Variants in GPR155 observed in about 807,000 individuals in gnomAD.
The protein encoded by GPR155 is lysosomal cholesterol signaling protein.
In GPR155, 65 loss-of-function variants were observed where a neutral mutation model predicts 93.1. That is an observed-to-expected ratio of 0.70 (90% confidence interval 0.57 to 0.86). The LOEUF is 0.86. GPR155 is among the 40% of genes least tolerant of loss of function. The pLI is 0.00. For synonymous variants in GPR155, 319 were observed against 360.1 expected (o/e 0.89, Z 1.29); for missense variants, 838 against 1,034.8 (o/e 0.81, Z 2.61).
intron 14 of GPR155, 108 bp downstream of exon 14, chr2:174,442,011 G>T (rs895474379): frequency 2.8e-6 from 2 of 707,582 alleles, no homozygotes; most frequent in Admixed American, 4.7e-5. Context: ...GCCTCCCAAA[G>T]TACTGGGATT....
rs779866292 is a variant in GPR155, at chr2:174,460,085, T to C, written c.1564A>G (p.Ile522Val). The change falls in exon 10 of 16, where the codon ATC becomes GTC. Residue 522 changes from isoleucine (I) to valine (V), a missense_variant. By Grantham distance (29) the Ile-to-Val change is conservative (BLOSUM62 3). Around this residue, in one of 3 missense-constraint regions of GPR155, gnomAD observed 663 missense variants for 790.1 expected, o/e 0.84. Coordinates refer to ENST00000392552, the MANE Select transcript of GPR155 (RefSeq NM_152529.7). ...CAGAACAGGGTGACTGCTGTGGTGATCATCTGCCGACATGAAAAAAAGATA... is the reference window on the plus strand; with the variant it reads ...CAGAACAGGGTGACTGCTGTGGTGACCATCTGCCGACATGAAAAAAAGATA... ...SAFFYGKEQM[I>V]TTAVTLFCSI... 5.6e-6 allele frequency: 9 copies of C among 1,609,086 alleles called. No homozygotes were observed. In the African/African-American group the frequency reaches 1.2e-4, roughly 22 times the overall value.
At chr2:174,473,842 C>T (rs751951457) in intron 2 of GPR155, among the ~76,000 whole-genome samples, 1 of 152,082 alleles carries the variant, frequency 6.6e-6, no homozygotes, top group South Asian at 2.1e-4. Flanking sequence ...AAAAGGAGCA[C>T]GGATGTGGAA....
intron 10 of GPR155, among the ~76,000 whole-genome samples, chr2:174,454,805 AAGGG>A: frequency 2.1e-5 from 3 of 143,206 alleles, no homozygotes; most frequent in African/African-American, 8.4e-5. Context: ...GAAGGAAGGG[AAGGG>A]AAGGAAGGGA....
chr2:174,473,482 C>A, intron 2 of GPR155, 118 bp from the exon 3 acceptor site: 1 of 649,668 alleles, frequency 1.5e-6, no homozygotes, highest in Non-Finnish European at 2.5e-6. Flanking sequence ...CAAAATGACC[C>A]AAATAGCCTA....
intron 4 of GPR155, among the ~76,000 whole-genome samples, chr2:174,469,506 T>G (rs1687933507): frequency 6.6e-6 from 1 of 152,240 alleles, no homozygotes; most frequent in Non-Finnish European, 1.5e-5. Flanking sequence ...TTAGTTCCTT[T>G]GTATTATATT....
chr2:174,465,445 C>T (rs1687810955), intron 7 of GPR155, among the ~76,000 whole-genome samples: 1 of 152,200 alleles, frequency 6.6e-6, no homozygotes, highest in East Asian at 1.9e-4. Context: ...AGCTCTGGAA[C>T]ACACCTCACG....
At chr2:174,467,945 A>G (rs904417335) in intron 5 of GPR155, among the ~76,000 whole-genome samples, 1 of 152,188 alleles carries the variant, frequency 6.6e-6, no homozygotes, top group Non-Finnish European at 1.5e-5. Flanking sequence ...CATGTTGGCC[A>G]GGCTGGTCTC....
intron 7 of GPR155, among the ~76,000 whole-genome samples, chr2:174,462,397 GC>G (rs1687725429): frequency 6.6e-6 from 1 of 152,000 alleles, no homozygotes; most frequent in Non-Finnish European, 1.5e-5. Flanking sequence ...TGCAACCTCT[GC>G]CTCCCGGGTT....
Position 174,434,572 on chromosome 2 carries a change from A to ACTT in GPR155, c.*1541_*1543dup, listed in dbSNP as rs889805784. 9 of 151,758 alleles carry ACTT rather than the reference A, an allele frequency of 5.9e-5. No homozygotes were observed. The highest frequency in any genetic ancestry group is 1.3e-4 in the Non-Finnish European group (9 of 67,976). 9.4% of individuals were successfully genotyped at this position (151,758 alleles called of 1,614,324 possible). A position where few individuals can be genotyped will look rare whatever the true frequency, so the allele number is the denominator to read the frequency against. Reference sequence around the variant, plus strand: ...AATTTGGGTAGAAAAGAAAAGACAAACTTTAAAAAAAAATAGTGCCTCTAG... The same window carrying ACTT: ...AATTTGGGTAGAAAAGAAAAGACAAACTTCTTTAAAAAAAAATAGTGCCTCTAG... On this transcript the variant is annotated 3_prime_UTR_variant, in exon 16 of 16. Coordinates refer to ENST00000392552, the MANE Select transcript of GPR155 (RefSeq NM_152529.7).
At chr2:174,477,662 T>C (rs1688206164) in intron 2 of GPR155, among the ~76,000 whole-genome samples, 1 of 152,186 alleles carries the variant, frequency 6.6e-6, no homozygotes, top group African/African-American at 2.4e-5. Context: ...TTTTTTGCTA[T>C]CAATCTGAAG....
At chr2:174,446,801 T>C in intron 11 of GPR155, 54 bp from the exon 12 acceptor site, 1 of 1,541,652 alleles carries the variant, frequency 6.5e-7, no homozygotes, top group Non-Finnish European at 8.9e-7. Context: ...TCTAAATGCA[T>C]TTTAAATTTG....
At chr2:174,456,217 C>T (rs1254691522) in intron 10 of GPR155, among the ~76,000 whole-genome samples, 1 of 151,902 alleles carries the variant, frequency 6.6e-6, no homozygotes, top group Admixed American at 6.6e-5. Context: ...GTTAGAGATG[C>T]AACATTAGGA....
At chr2:174,465,471 C>T (rs1250820690) in intron 7 of GPR155, among the ~76,000 whole-genome samples, 5 of 152,318 alleles carry the variant, frequency 3.3e-5, no homozygotes, top group African/African-American at 9.6e-5. Flanking sequence ...TTCCCATTCC[C>T]GCCTTTCTCC....
Position 174,459,914 on chromosome 2 carries a change from C to G in GPR155, c.1735G>C (p.Glu579Gln), listed in dbSNP as rs778954830. 6.2e-7 allele frequency: 1 copy of G among 1,613,810 alleles called. No homozygotes were observed. Among genetic ancestry groups the G allele is most frequent in the Non-Finnish European group, 8.5e-7 (1 of 1,179,790 alleles). ...ATAGAGCTTGTAAAAAGTTCTGGTT[C>G]ATTTACTGGTGCTGGACTCTCCTCA... Reference protein sequence around the residue: ...AFEESPAPVNEPELFTSSIPE... With the variant: ...AFEESPAPVNQPELFTSSIPE... The change falls in exon 10 of 16, where the codon GAA (glutamate) becomes CAA (glutamine). Residue 579 changes from glutamate to glutamine, a missense_variant. Transcript: ENST00000392552.
At chr2:174,470,692 G>GCAAA in intron 3 of GPR155, 137 bp from the exon 4 acceptor site, 1 of 599,762 alleles carries the variant, frequency 1.7e-6, no homozygotes, top group Admixed American at 3.2e-5. Flanking sequence ...TTCTGTGCAT[G>GCAAA]TCTACCTGGG....
chr2:174,477,052 T>C (rs1223404551), intron 2 of GPR155, among the ~76,000 whole-genome samples: 1 of 152,212 alleles, frequency 6.6e-6, no homozygotes, highest in Non-Finnish European at 1.5e-5. Flanking sequence ...AACACATCAA[T>C]GAACATCAAA....
At position 174,446,591 on chromosome 2, in the gene GPR155, A is replaced by G; in HGVS notation, c.2013+20T>C. ...AATTTAAAGAAATGGCCCCAAAACA[A>G]AACCAGAAAAAACCATTACAGCGAA... On this transcript the variant is annotated intron_variant, in intron 12 of 15. Transcript: ENST00000392552. 2 of 1,588,358 alleles carry G rather than the reference A, an allele frequency of 1.3e-6. No homozygotes were observed. Among genetic ancestry groups the G allele is most frequent in the Non-Finnish European group, 1.7e-6 (2 of 1,170,568 alleles).
At chr2:174,466,765 G>T in intron 5 of GPR155, 138 bp from the exon 6 acceptor site, 1 of 562,084 alleles carries the variant, frequency 1.8e-6, no homozygotes. Context: ...TATTTAATCT[G>T]TCTAGTTCCA....
intron 2 of GPR155, among the ~76,000 whole-genome samples, chr2:174,479,908 C>T (rs1448681554): frequency 6.6e-6 from 1 of 152,150 alleles, no homozygotes. Context: ...TATCTATGAG[C>T]CCAGTTTTTC....
Sources: gnomAD v4.1 joint callset for allele counts (sites outside exome capture counted in the v4.1 genomes callset) on GRCh38, gnomAD v4.1.1 for gene constraint, gnomAD v4.1.1 regional missense constraint, MANE v1.5 for transcripts, NCBI Gene and HGNC (gene_info 2026-07-23, HGNC 2026-07-21) for gene names.